The following SLCO3A1 variants were observed in gnomAD, a reference collection of about 807,000 sequenced individuals.
SLCO3A1 encodes PGE1 transporter.
SLCO3A1 carries 27 observed loss-of-function variants against 63.1 expected under a neutral mutation model. The observed-to-expected ratio is 0.43, with a 90% confidence interval of 0.32 to 0.59. The LOEUF is 0.59. Ranked by LOEUF, SLCO3A1 falls within the 20% of genes least tolerant of loss-of-function variation. SLCO3A1 has a pLI of 0.09. For synonymous variants in SLCO3A1, 473 were observed against 409.9 expected, an observed-to-expected ratio of 1.15 and a Z score of -1.86; for missense variants, 773 against 945.8, an observed-to-expected ratio of 0.82 and a Z score of 2.40.
intron 1 of SLCO3A1, among the ~76,000 whole-genome samples, chr15:91,890,263 A>G (rs190248852): frequency 6.6e-6 from 1 of 152,316 alleles, no homozygotes; most frequent in Non-Finnish European, 1.5e-5. Flanking sequence ...TATTTGCTGT[A>G]TAATTGTTCA....
intron 1 of SLCO3A1, among the ~76,000 whole-genome samples, chr15:91,870,274 AT>A (rs1321471182): frequency 3.9e-5 from 6 of 152,350 alleles, no homozygotes; most frequent in African/African-American, 1.2e-4. Flanking sequence ...TATAAAATGT[AT>A]GTTCTAAAAA....
chr15:91,969,310 A>ATTTT (rs35619974), intron 2 of SLCO3A1, among the ~76,000 whole-genome samples: 33 of 146,474 alleles, frequency 2.3e-4, no homozygotes, highest in African/African-American at 7.5e-4. Flanking sequence ...TATATATATA[A>ATTTT]TTTTTTTTTT....
Position 92,163,233 on chromosome 15 carries a change from A to ACACACACAGGCACAGATG in SLCO3A1, c.*107_*124dup. ...TCCAAAAAAAACCAAAACTCAGTACACACACACAGGCACAGATGCACACAC... is the reference window on the plus strand; with the variant it reads ...TCCAAAAAAAACCAAAACTCAGTACACACACACAGGCACAGATGCACACACAGGCACAGATGCACACAC... On this transcript the variant is annotated 3_prime_UTR_variant, in exon 10 of 10. Coordinates refer to ENST00000318445, the MANE Select transcript of SLCO3A1 (RefSeq NM_013272.4). 1 of 1,442,202 alleles carries ACACACACAGGCACAGATG rather than the reference A, an allele frequency of 6.9e-7. No homozygotes were observed. Among genetic ancestry groups the ACACACACAGGCACAGATG allele is most frequent in the Non-Finnish European group, 9.0e-7 (1 of 1,106,624 alleles). 89.3% of individuals were successfully genotyped at this position (1,442,202 alleles called of 1,614,324 possible).
chr15:91,866,365 C>T (rs1897163694), intron 1 of SLCO3A1, among the ~76,000 whole-genome samples: 1 of 152,156 alleles, frequency 6.6e-6, no homozygotes, highest in African/African-American at 2.4e-5. Context: ...CTGCAGCTGG[C>T]TCTGTCTCCT....
intron 2 of SLCO3A1, among the ~76,000 whole-genome samples, chr15:92,038,871 A>T (rs2046760314): frequency 6.6e-6 from 1 of 152,216 alleles, no homozygotes. Context: ...AGGCTACGGT[A>T]ACCAAAACAG....
At chr15:91,880,401 C>CTGTGTGTGTGTGTGTGTGTGTGTGTG (rs796110200) in intron 1 of SLCO3A1, among the ~76,000 whole-genome samples, 2 of 133,414 alleles carry the variant, frequency 1.5e-5, no homozygotes, top group African/African-American at 5.9e-5. Flanking sequence ...CTCTCTCTCT[C>CTGTGTGTGTGTGTGTGTGTGTGTGTG]TCTCTCTCTG....
chr15:91,949,001 G>A (rs1439135611), intron 2 of SLCO3A1, among the ~76,000 whole-genome samples: 1 of 151,772 alleles, frequency 6.6e-6, no homozygotes, highest in Non-Finnish European at 1.5e-5. Flanking sequence ...TATCCCTGGT[G>A]TAAACTTCCC....
intron 1 of SLCO3A1, among the ~76,000 whole-genome samples, chr15:91,880,143 A>G (rs376675017): frequency 0.021 from 2,561 of 122,872 alleles, 30 homozygotes; most frequent in Middle Eastern, 0.048. Flanking sequence ...CCATCCATCC[A>G]TCCATCCATC....
At chr15:92,045,135 C>T (rs1033574683) in intron 2 of SLCO3A1, among the ~76,000 whole-genome samples, 2 of 152,084 alleles carry the variant, frequency 1.3e-5, no homozygotes, top group Admixed American at 1.3e-4. Context: ...AAAAAATTAG[C>T]TGGGCTTGGT....
Position 91,950,284 on chromosome 15 carries a change from G to A in SLCO3A1, c.646+33826G>A, listed in dbSNP as rs888708755. ...TGTGTATTGTGGAGGGGATTGCAGG[G>A]GGCTGGGGAAGCAGAGATCAGTCTG... is the stretch of plus-strand genomic sequence containing the variant. On this transcript the variant is annotated intron_variant, in intron 2 of 9. Coordinates refer to ENST00000318445, the MANE Select transcript of SLCO3A1 (RefSeq NM_013272.4). The surrounding 1 kb of genome is among the most constrained non-coding windows in gnomAD (Gnocchi z 4.4). Among the ~76,000 whole-genome samples the A allele has an allele frequency of 9.2e-5, 14 of 152,176 alleles. No individual in the cohort carries two copies. The highest frequency in any genetic ancestry group is 9.2e-4 in the Admixed American group (14 of 15,280).
intron 2 of SLCO3A1, among the ~76,000 whole-genome samples, chr15:91,992,137 G>C (rs1260255585): frequency 6.6e-6 from 1 of 152,164 alleles, no homozygotes; most frequent in African/African-American, 2.4e-5. Context: ...TTCCATTTTG[G>C]ATTTATCATG....
intron 2 of SLCO3A1, among the ~76,000 whole-genome samples, chr15:91,951,112 G>C (rs1292030256): frequency 6.6e-6 from 1 of 152,096 alleles, no homozygotes; most frequent in African/African-American, 2.4e-5. Flanking sequence ...CTTTTAAATT[G>C]TAAAGTCCTG....
At chr15:92,103,657 A>C (rs752633948) in intron 3 of SLCO3A1, among the ~76,000 whole-genome samples, 1 of 152,084 alleles carries the variant, frequency 6.6e-6, no homozygotes, top group African/African-American at 2.4e-5. Flanking sequence ...TGATCTTCCC[A>C]CTAAGTACTG....
intron 7 of SLCO3A1, among the ~76,000 whole-genome samples, chr15:92,145,963 T>A (rs2048216348): frequency 1.7e-5 from 1 of 57,474 alleles, no homozygotes; most frequent in South Asian, 4.0e-4. Flanking sequence ...CAGAAAACCC[T>A]ATCTCTGTGT....
In SLCO3A1 at chr15:92,143,760, G is replaced by T. The variant is rs376703383; in HGVS notation, c.1513-3224G>T. Among the ~76,000 whole-genome samples, 20 of 151,228 alleles carry T rather than the reference G, an allele frequency of 1.3e-4. No homozygotes were observed. In the South Asian group the frequency reaches 4.2e-3, roughly 32 times the overall value. On this transcript the variant is annotated intron_variant, in intron 7 of 9. Transcript: ENST00000318445. ...GGAAAGGAGTTTGGAGCTGGAGCTG[G>T]GGCTGGGGCTGCGTAACTGTCAGGA...
intron 2 of SLCO3A1, among the ~76,000 whole-genome samples, chr15:92,013,713 C>T (rs1195688162): frequency 1.3e-5 from 2 of 152,182 alleles, no homozygotes; most frequent in Non-Finnish European, 2.9e-5. Flanking sequence ...AAAATCATGG[C>T]ATCTAAAAGG....
At chr15:91,988,999 T>C (rs1388173263) in intron 2 of SLCO3A1, among the ~76,000 whole-genome samples, 2 of 152,308 alleles carry the variant, frequency 1.3e-5, no homozygotes, top group Non-Finnish European at 2.9e-5. Context: ...GCCAGTCTCT[T>C]GTGTCTCCTT....
At chr15:92,128,811 C>T (rs1238325755) in intron 7 of SLCO3A1, among the ~76,000 whole-genome samples, 1 of 152,094 alleles carries the variant, frequency 6.6e-6, no homozygotes, top group Admixed American at 6.6e-5. Context: ...TAGTGAGCTC[C>T]CCATCACCAG....
rs1176908703 is a variant in SLCO3A1 at position 91,897,750 on chromosome 15, C to T, written c.181-18243C>T. On this transcript the variant is annotated intron_variant, in intron 1 of 9. Transcript: ENST00000318445. This position sits in a 1 kb window ranked among gnomAD's most constrained non-coding sequence, Gnocchi z 4.7. ...GGCTGAGTCTACCCTGCAGCGTGGGCTCCAGCAGCAGTGTGTTAAGGGCAG... is the reference window on the plus strand; with the variant it reads ...GGCTGAGTCTACCCTGCAGCGTGGGTTCCAGCAGCAGTGTGTTAAGGGCAG... Among the ~76,000 whole-genome samples, 1 of 152,252 alleles carries T rather than the reference C, an allele frequency of 6.6e-6. No homozygotes were observed. The highest frequency in any genetic ancestry group is 1.9e-4 in the East Asian group (1 of 5,184).
Sources: gnomAD v4.1 joint callset for allele counts (sites outside exome capture counted in the v4.1 genomes callset) on GRCh38, gnomAD v4.1.1 for gene constraint, Gnocchi (gnomAD v3.1) non-coding constraint, MANE v1.5 for transcripts, NCBI Gene and HGNC (gene_info 2026-07-23, HGNC 2026-07-21) for gene names.